PCDHA4: variants seen among roughly 807,000 people sequenced by gnomAD.
PCDHA4 encodes the protein protocadherin alpha-4.
PCDHA4 carries 49 observed loss-of-function variants against 61.4 expected under a neutral mutation model. That is an observed-to-expected ratio of 0.80 (90% confidence interval 0.63 to 1.01). The LOEUF is 1.01. PCDHA4 is among the 50% of genes least tolerant of loss of function. The pLI, the probability that PCDHA4 is intolerant of heterozygous loss-of-function variation, is 0.00. For synonymous variants in PCDHA4, 590 were observed against 550.3 expected (o/e 1.07, Z -1.01); for missense variants, 1,254 against 1,235.8 (o/e 1.01, Z -0.22).
chr5:140,952,379 G>T (rs1384901092), intron 1 of PCDHA4, among the ~76,000 whole-genome samples: 1 of 151,322 alleles, frequency 6.6e-6, no homozygotes, highest in Non-Finnish European at 1.5e-5. Flanking sequence ...TCCTCTGCCA[G>T]GTACCCTAAA....
chr5:140,995,324 G>A (rs1290299693), intron 3 of PCDHA4, among the ~76,000 whole-genome samples: 1 of 152,190 alleles, frequency 6.6e-6, no homozygotes, highest in African/African-American at 2.4e-5. Context: ...GAACTAACAG[G>A]TGAGTAGTGT....
chr5:140,809,745 C>T, intron 1 of PCDHA4, 173 bp downstream of exon 1: 1 of 670,750 alleles, frequency 1.5e-6, no homozygotes, highest in Middle Eastern at 4.2e-4. Context: ...ATATATATTG[C>T]CTTCCTTCAT....
At chr5:140,888,624 C>T (rs2061910720) in intron 1 of PCDHA4, among the ~76,000 whole-genome samples, 1 of 152,198 alleles carries the variant, frequency 6.6e-6, no homozygotes, top group Non-Finnish European at 1.5e-5. Flanking sequence ...CTAATTCGGC[C>T]TTCTATTACA....
At chr5:141,009,604 A>T (rs782247768) in intron 3 of PCDHA4, 23 bp from the exon 4 acceptor site, 2 of 1,608,944 alleles carry the variant, frequency 1.2e-6, no homozygotes, top group East Asian at 4.5e-5. Context: ...CCTGTTAATG[A>T]TTTGTAATGT....
chr5:140,995,674 A>AT (rs1240189428), intron 3 of PCDHA4, among the ~76,000 whole-genome samples: 2 of 152,112 alleles, frequency 1.3e-5, no homozygotes, highest in South Asian at 2.1e-4. Context: ...TAAATGCAGC[A>AT]TTTTTTTTAA....
intron 1 of PCDHA4, among the ~76,000 whole-genome samples, chr5:140,820,457 C>T (rs2150107040): frequency 2.0e-5 from 3 of 151,924 alleles, no homozygotes; most frequent in Non-Finnish European, 2.9e-5. Context: ...TCCCTCTTGT[C>T]TTCACAGGTA....
chr5:140,866,796 G>A (rs1360079320), intron 1 of PCDHA4: 5 of 152,128 alleles, frequency 3.3e-5, no homozygotes, highest in African/African-American at 1.2e-4. Context: ...TATAGTAAAA[G>A]TCAGGCACAA....
intron 1 of PCDHA4, chr5:140,850,152 G>T (rs2150469849): frequency 1.3e-6 from 2 of 1,595,546 alleles, no homozygotes; most frequent in Middle Eastern, 2.0e-4. Context: ...GACGCTGCAG[G>T]TGTTCGTGCT....
At chr5:140,829,997 G>A (rs2150179331) in intron 1 of PCDHA4, 1 of 1,613,998 alleles carries the variant, frequency 6.2e-7, no homozygotes, top group Non-Finnish European at 8.5e-7. Flanking sequence ...CACCACTCGT[G>A]TCCTGGACGA....
intron 1 of PCDHA4, chr5:140,968,888 CTAA>C: frequency 6.2e-7 from 1 of 1,614,210 alleles, no homozygotes; most frequent in Non-Finnish European, 8.5e-7. Context: ...TACCCTTTAT[CTAA>C]TAATAGCATT....
At chr5:140,829,858 A>C (rs2150176347) in intron 1 of PCDHA4, 8 of 1,613,912 alleles carry the variant, frequency 5.0e-6, no homozygotes, top group Admixed American at 1.7e-5. Flanking sequence ...GTGCAGGCCA[A>C]GTGGTGGCGA....
At position 140,978,952 on chromosome 5, in the gene PCDHA4, C is replaced by T. The variant is rs374951627; in HGVS notation, c.2389C>T (p.Arg797Ter). Residue 797 changes from arginine (R) to a stop codon, truncating the protein, a stop_gained, in exon 2 of 4, where the codon CGA (arginine) becomes TGA (stop). Coordinates refer to ENST00000530339, the MANE Select transcript of PCDHA4 (RefSeq NM_018907.4). LOFTEE classifies it high-confidence loss of function. ...QTTEESFAKP[R>*]QPNPDWRYSA... ...AACTCTCTTTGTGATTTTGCAGCCA[C>T]GACAGCCCAACCCTGACTGGCGTTA... is the stretch of plus-strand genomic sequence containing the variant. 5.0e-6 allele frequency: 8 copies of T among 1,614,018 alleles called. No individual in the cohort carries two copies. The highest frequency in any genetic ancestry group is 2.2e-5 in the South Asian group (2 of 91,070).
chr5:140,807,955 T>G lies in PCDHA4; in HGVS notation c.768T>G (p.Pro256=), dbSNP rs373945193. ...AGGTGAGATTACTAGAAAATGTTCC[T>G]AATGGAACATTGGTAATTAAACTTA... ...IYKVRLLENV[P]NGTLVIKLNA... is the part of the protein sequence containing the mutation. Residue 256 remains proline, a synonymous_variant, in exon 1 of 4, where the codon CCT becomes CCG. Coordinates refer to ENST00000530339, the MANE Select transcript of PCDHA4 (RefSeq NM_018907.4). 1.0e-4 allele frequency: 167 copies of G among 1,612,616 alleles called. No homozygotes were observed. The highest frequency in any genetic ancestry group is 1.6e-4 in the Middle Eastern group (1 of 6,080).
chr5:140,814,582 T>C (rs1437019387), intron 1 of PCDHA4: 8 of 152,350 alleles, frequency 5.3e-5, no homozygotes, highest in South Asian at 2.1e-4. Flanking sequence ...TGTAAATTAC[T>C]GTACATAATT....
intron 1 of PCDHA4, among the ~76,000 whole-genome samples, chr5:140,959,126 G>A (rs1417334893): frequency 6.6e-6 from 1 of 152,066 alleles, no homozygotes; most frequent in Non-Finnish European, 1.5e-5. Context: ...GGCGAGGTGA[G>A]CCCACTTTGG....
intron 3 of PCDHA4, among the ~76,000 whole-genome samples, chr5:140,999,654 C>T (rs180994815): frequency 1.3e-3 from 194 of 152,238 alleles, no homozygotes; most frequent in African/African-American, 4.4e-3. Context: ...AGCCTGAGCC[C>T]TGCTGGGTTG....
intron 1 of PCDHA4, chr5:140,810,575 G>A (rs1292598382): frequency 6.6e-6 from 1 of 152,176 alleles, no homozygotes; most frequent in Non-Finnish European, 1.5e-5. Flanking sequence ...AAATGAAGTT[G>A]AGTACCTTTC....
chr5:140,967,215 G>T (rs782646028), intron 1 of PCDHA4: 1 of 1,613,682 alleles, frequency 6.2e-7, no homozygotes, highest in Non-Finnish European at 8.5e-7. Context: ...CGTTTCCCGC[G>T]GCCCAACTAC....
At chr5:140,902,709 TC>T (rs1248555909) in intron 1 of PCDHA4, among the ~76,000 whole-genome samples, 11 of 152,060 alleles carry the variant, frequency 7.2e-5, no homozygotes, top group Admixed American at 4.6e-4. Flanking sequence ...TATCTTTCAC[TC>T]CCCTCCCACC....
Sources: allele counts gnomAD v4.1 joint callset (sites outside exome capture counted in the v4.1 genomes callset), GRCh38; gene constraint gnomAD v4.1.1; transcripts MANE v1.5; gene names NCBI Gene and HGNC (gene_info 2026-07-23, HGNC 2026-07-21).